FBXO24: variants seen among roughly 807,000 people sequenced by gnomAD.
The protein encoded by FBXO24 is F-box protein 24, also known as F-box only protein 24.
Under a neutral mutation model 63.5 loss-of-function variants are expected in FBXO24, and 30 were observed. That is an observed-to-expected ratio of 0.47 (90% CI 0.35 to 0.64). The LOEUF (loss-of-function observed/expected upper bound fraction) is 0.64, where lower values mean the gene tolerates loss of function less well. Ranked by LOEUF, FBXO24 falls within the 30% of genes least tolerant of loss-of-function variation. The probability of loss-of-function intolerance (pLI) is 0.00; values close to 1 mark genes in which losing one functional copy is unlikely to be tolerated. For synonymous variants in FBXO24, 300 were observed against 305.0 expected (o/e 0.98, Z 0.17); for missense variants, 624 against 763.4 (o/e 0.82, Z 2.15).
chr7:100,595,690 G>C lies in FBXO24; in HGVS notation c.1190G>C (p.Arg397Pro), dbSNP rs574765173. ...CTAGGAACAGGGGACAAAATGGACC[G>C]AGGGGAACCCACACAGGTGAGACTA... ...GQLGTGDKMD[R>P]GEPTQVCYLQ... The change falls in exon 8 of 10, where the codon CGA becomes CCA. Residue 397 changes from arginine (R) to proline (P), a missense_variant. By Grantham distance (103) the Arg-to-Pro change is moderately radical. Around this residue, in one of 3 missense-constraint regions of FBXO24, gnomAD observed 216 missense variants for 245.2 expected, o/e 0.88. Transcript: ENST00000241071. 44 of 1,608,284 alleles carry C rather than the reference G, an allele frequency of 2.7e-5. No individual in the cohort carries two copies. The African/African-American group carries it at 5.6e-4, about 21-fold the overall frequency.
chr7:100,589,277 C>A, intron 1 of FBXO24: 1 of 517,164 alleles, frequency 1.9e-6, no homozygotes, highest in Non-Finnish European at 2.5e-6. Flanking sequence ...CTTGAGCTAC[C>A]AATCCCTAGA....
Position 100,590,305 on chromosome 7 carries a change from CCA to C in FBXO24, c.271_272del (p.Gln91ArgfsTer59). ...RICRRLSPRL[Q>X]DQGSGVRPWK... ...TCTGTCGCAGACTCAGTCCGCGCCT[CCA>C]AGATCAGGGTTCTGGAGTCCGGCCC... is the stretch of plus-strand genomic sequence containing the variant. On this transcript the variant is annotated frameshift_variant, in exon 3 of 10. Coordinates refer to ENST00000241071, the MANE Select transcript of FBXO24 (RefSeq NM_033506.3). LOFTEE classifies it high-confidence loss of function. The C allele has an allele frequency of 1.2e-6, 2 of 1,614,142 alleles. No homozygotes were observed. Among genetic ancestry groups the C allele is most frequent in the Non-Finnish European group, 1.7e-6 (2 of 1,179,996 alleles).
intron 8 of FBXO24, among the ~76,000 whole-genome samples, chr7:100,596,395 T>G (rs1802310894): frequency 6.6e-6 from 1 of 152,184 alleles, no homozygotes; most frequent in Non-Finnish European, 1.5e-5. Context: ...TGCACATACC[T>G]GGGACAGTGA....
intron 1 of FBXO24, 43 bp downstream of exon 1, chr7:100,586,707 GC>G: frequency 6.2e-7 from 1 of 1,611,162 alleles, no homozygotes; most frequent in Non-Finnish European, 8.5e-7. Context: ...TGAACGCGGA[GC>G]CCCTGGCCGG....
chr7:100,598,805 C>T (rs757060224), intron 8 of FBXO24, among the ~76,000 whole-genome samples: 24 of 151,944 alleles, frequency 1.6e-4, no homozygotes, highest in Non-Finnish European at 2.8e-4. Flanking sequence ...GGTGAAACCC[C>T]GTCTCTACTA....
Position 100,600,042 on chromosome 7 carries a change from G to A in FBXO24, c.1218G>A (p.Leu406=). The A allele has an allele frequency of 1.9e-6, 3 of 1,610,002 alleles. No homozygotes were observed. Among genetic ancestry groups the A allele is most frequent in the Non-Finnish European group, 2.5e-6 (3 of 1,179,094 alleles). ...CCGTGTGTCCCCAGGTTTGTTACCT[G>A]CAGCGGCCCATCACCCTGTGGTGCG... ...DRGEPTQVCY[L]QRPITLWCGL... Residue 406 remains leucine (L), a synonymous_variant, in exon 9 of 10, where the codon CTG becomes CTA. Transcript: ENST00000241071. The surrounding 1 kb of genome is among the most constrained non-coding windows in gnomAD (Gnocchi z 6.3).
chr7:100,593,797 CA>C (rs900435798), intron 5 of FBXO24, among the ~76,000 whole-genome samples: 2,563 of 56,612 alleles, frequency 0.045, 51 homozygotes, highest in African/African-American at 0.13. Context: ...ACTCCATCTC[CA>C]AAAAAAAAAA....
intron 1 of FBXO24, 36 bp from the exon 2 acceptor site, chr7:100,589,941 A>T: frequency 1.3e-6 from 2 of 1,590,370 alleles, no homozygotes; most frequent in Non-Finnish European, 8.6e-7. Flanking sequence ...AGGATGTGGG[A>T]CCCTCATGGG....
chr7:100,593,063 C>T, intron 5 of FBXO24, 46 bp downstream of exon 5: 2 of 1,534,002 alleles, frequency 1.3e-6, no homozygotes, highest in South Asian at 1.1e-5. Context: ...CCTGCAGATT[C>T]CTCAGACCCT....
At chr7:100,586,883 T>G (rs1562813253) in intron 1 of FBXO24, 227 of 202,174 alleles carry the variant, frequency 1.1e-3, no homozygotes, top group South Asian at 1.9e-3. Flanking sequence ...GTGAAGCCTC[T>G]GGCAGGGGTC....
rs528352543 is a variant in FBXO24 at position 100,598,910 on chromosome 7, C to T, written c.1207-1121C>T. The stretch of plus-strand genomic sequence containing the variant: ...AGGAGAATTGCTTGAACTGGAGAGG[C>T]GGAGGTTGCAGTGAACTGAAATCGT... On this transcript the variant is annotated intron_variant, in intron 8 of 9. Transcript: ENST00000241071. 3.3e-5 allele frequency among the ~76,000 whole-genome samples: 5 copies of T among 151,028 alleles called. No homozygotes were observed. The East Asian group carries it at 7.8e-4, about 24-fold the overall frequency.
intron 8 of FBXO24, among the ~76,000 whole-genome samples, chr7:100,596,991 G>A (rs1207059763): frequency 4.6e-5 from 7 of 152,240 alleles, no homozygotes; most frequent in East Asian, 1.9e-4. Flanking sequence ...GCGGTGAGCC[G>A]AGATCGTGCC....
intron 3 of FBXO24, 118 bp from the exon 4 acceptor site, chr7:100,591,547 CCT>C: frequency 1.2e-6 from 1 of 826,252 alleles, no homozygotes; most frequent in South Asian, 1.6e-5. Context: ...TGTTTGTTCC[CCT>C]GTCCTGGGGA....
In FBXO24 at chr7:100,600,984, G is replaced by C; in HGVS notation, c.*85G>C. On this transcript the variant is annotated 3_prime_UTR_variant, in exon 10 of 10. Coordinates refer to ENST00000241071, the MANE Select transcript of FBXO24 (RefSeq NM_033506.3). The surrounding 1 kb of genome is among the most constrained non-coding windows in gnomAD (Gnocchi z 6.3). Reference sequence around the variant, plus strand: ...GGAGCAATGACCATTGTGCACATGCGTGTGGGAAGGGGTTGCTAGGGGGTG... The same window carrying C: ...GGAGCAATGACCATTGTGCACATGCCTGTGGGAAGGGGTTGCTAGGGGGTG... The C allele has an allele frequency of 1.3e-6, 2 of 1,517,386 alleles. No individual in the cohort carries two copies. The highest frequency in any genetic ancestry group is 4.0e-5 in the Admixed American group (2 of 49,566). 94.0% of individuals were successfully genotyped at this position (1,517,386 alleles called of 1,614,324 possible).
rs116312858 is a variant in FBXO24, at chr7:100,586,662, C to T, written c.37C>T (p.Arg13Trp). 7.7e-5 allele frequency: 125 copies of T among 1,614,154 alleles called. No homozygotes were observed. In the Middle Eastern group the frequency reaches 8.2e-4, roughly 11 times the overall value. Reference sequence around the variant, plus strand: ...GGCGGTCCCTTTGCTAAGGAGGAGGCGGGTGAGCTAGAACTTTAAGACTGA... The same window carrying T: ...GGCGGTCCCTTTGCTAAGGAGGAGGTGGGTGAGCTAGAACTTTAAGACTGA... ...EKAVPLLRRR[R>W]VKRSCPSCGS... Residue 13 changes from arginine to tryptophan, a missense_variant and splice_region_variant, in exon 1 of 10, where the codon CGG becomes TGG. Arg to Trp is a moderately radical substitution (Grantham distance 101). Transcript: ENST00000241071.
chr7:100,594,662 G>A lies in FBXO24; in HGVS notation c.952+121G>A. 1 of 1,176,966 alleles carries A rather than the reference G, an allele frequency of 8.5e-7. No homozygotes were observed. The highest frequency in any genetic ancestry group is 2.7e-5 in the East Asian group (1 of 36,764). 72.9% of individuals were successfully genotyped at this position (1,176,966 alleles called of 1,614,324 possible). A position where few individuals can be genotyped will look rare whatever the true frequency, so the allele number is the denominator to read the frequency against. On this transcript the variant is annotated intron_variant, in intron 6 of 9. Coordinates refer to ENST00000241071, the MANE Select transcript of FBXO24 (RefSeq NM_033506.3). This position sits in a 1 kb window ranked among gnomAD's most constrained non-coding sequence, Gnocchi z 4.2. ...CCTGAGGGCATCCTAGTGAAAAGATGTGTTTAGGGCCGGCATGGTGACTCA... is the reference window on the plus strand; with the variant it reads ...CCTGAGGGCATCCTAGTGAAAAGATATGTTTAGGGCCGGCATGGTGACTCA...
intron 1 of FBXO24, chr7:100,589,744 G>C (rs760865107): frequency 1.3e-6 from 2 of 1,546,810 alleles, no homozygotes; most frequent in South Asian, 2.4e-5. Context: ...AGCCAGAGAC[G>C]GAAGCTGCAA....
At chr7:100,599,045 C>G (rs1421420821) in intron 8 of FBXO24, among the ~76,000 whole-genome samples, 1 of 150,616 alleles carries the variant, frequency 6.6e-6, no homozygotes, top group Middle Eastern at 3.5e-3. Context: ...CCATGAGCAA[C>G]ATAGTGAGAC....
intron 5 of FBXO24, among the ~76,000 whole-genome samples, chr7:100,593,316 GA>G (rs1802121670): frequency 6.6e-6 from 1 of 152,052 alleles, no homozygotes; most frequent in African/African-American, 2.4e-5. Context: ...CCAACATGGC[GA>G]AACCCCATCT....
Sources: gnomAD v4.1 joint callset for allele counts (sites outside exome capture counted in the v4.1 genomes callset) on GRCh38, gnomAD v4.1.1 for gene constraint, gnomAD v4.1.1 regional missense constraint, Gnocchi (gnomAD v3.1) non-coding constraint, MANE v1.5 for transcripts, NCBI Gene and HGNC (gene_info 2026-07-23, HGNC 2026-07-21) for gene names.